LRP1B: variants seen among roughly 807,000 people sequenced by gnomAD.
LRP1B encodes the protein LDL receptor related protein 1B, also known as low-density lipoprotein receptor-related protein 1B.
LRP1B carries 217 observed loss-of-function variants against 556.6 expected under a neutral mutation model. The ratio of observed to expected loss-of-function variants is 0.39; its 90% CI spans 0.35 to 0.44. The LOEUF (loss-of-function observed/expected upper bound fraction) is 0.44. Among genes scored for constraint, LRP1B ranks in the 20% least tolerant of loss-of-function variants. The pLI is 1.00. For synonymous variants in LRP1B, 2,047 were observed against 1,865.8 expected (o/e 1.10, Z -2.50); for missense variants, 5,053 against 5,620.8 (o/e 0.90, Z 3.23).
Position 140,553,422 on chromosome 2 carries a change from A to AACACACACACAC in LRP1B, c.7195-11463_7195-11452dup, listed in dbSNP as rs61540618. 2.4e-4 allele frequency among the ~76,000 whole-genome samples: 36 copies of AACACACACACAC among 148,300 alleles called. No individual in the cohort carries two copies. The East Asian group carries it at 3.0e-3, about 12-fold the overall frequency. On this transcript the variant is annotated intron_variant, in intron 43 of 90. Transcript: ENST00000389484. ...CCTTTATTGTGTCTATTGTGCTCTTAACACACACACACACACACACACACA... is the reference window on the plus strand; with the variant it reads ...CCTTTATTGTGTCTATTGTGCTCTTAACACACACACACACACACACACACACACACACACACA...
intron 31 of LRP1B, among the ~76,000 whole-genome samples, chr2:140,835,462 C>T (rs143138962): frequency 1.9e-3 from 296 of 152,248 alleles, no homozygotes; most frequent in Non-Finnish European, 3.5e-3. Context: ...CATAACCTGC[C>T]GCCAGGCTCC....
intron 3 of LRP1B, among the ~76,000 whole-genome samples, chr2:141,254,887 A>G (rs1009891698): frequency 1.1e-4 from 16 of 152,052 alleles, no homozygotes; most frequent in Non-Finnish European, 2.2e-4. Flanking sequence ...CATAGTCACA[A>G]AACCTTTCAA....
chr2:141,981,727 A>G (rs1257710876), intron 1 of LRP1B, among the ~76,000 whole-genome samples: 1 of 152,148 alleles, frequency 6.6e-6, no homozygotes, highest in Non-Finnish European at 1.5e-5. Flanking sequence ...TTCTTGGCCA[A>G]AATCTGGATT....
chr2:140,560,541 C>A (rs1282550119), intron 43 of LRP1B, among the ~76,000 whole-genome samples: 1 of 151,996 alleles, frequency 6.6e-6, no homozygotes, highest in African/African-American at 2.4e-5. Context: ...AATTTCATAA[C>A]AATAAACATG....
At chr2:141,014,623 CCTT>C (rs1224690647) in intron 13 of LRP1B, among the ~76,000 whole-genome samples, 1 of 151,942 alleles carries the variant, frequency 6.6e-6, no homozygotes, top group Non-Finnish European at 1.5e-5. Flanking sequence ...AAATTTTGCT[CCTT>C]TTAACTGAAT....
chr2:141,050,252 T>C lies in LRP1B; in HGVS notation c.1553-1030A>G, dbSNP rs530083454. On this transcript the variant is annotated intron_variant, in intron 10 of 90. Coordinates refer to ENST00000389484, the MANE Select transcript of LRP1B (RefSeq NM_018557.3). ...TATAAACCTAACAATACAAAGTATA[T>C]TAACATTTATATTTCTTTTCTTGTG... is the stretch of plus-strand genomic sequence containing the variant. Among the ~76,000 whole-genome samples the C allele has an allele frequency of 7.2e-5, 11 of 151,990 alleles. No individual in the cohort carries two copies. In the South Asian group the frequency reaches 2.1e-3, roughly 29 times the overall value.
intron 4 of LRP1B, among the ~76,000 whole-genome samples, chr2:141,249,653 C>A (rs546986289): frequency 3.3e-5 from 5 of 151,668 alleles, no homozygotes; most frequent in Non-Finnish European, 7.4e-5. Flanking sequence ...GTCCTACAGT[C>A]GCCTGTGAAG....
intron 9 of LRP1B, among the ~76,000 whole-genome samples, chr2:141,055,949 A>T (rs946637476): frequency 6.6e-6 from 1 of 151,592 alleles, no homozygotes; most frequent in Non-Finnish European, 1.5e-5. Context: ...CTATATGGAG[A>T]GGATGAGAAA....
chr2:141,612,084 GAC>G (rs1338108764), intron 2 of LRP1B, among the ~76,000 whole-genome samples: 1 of 152,184 alleles, frequency 6.6e-6, no homozygotes. Context: ...GGATTTTCAA[GAC>G]ACAAACAACA....
At chr2:141,424,087 T>A (rs1368265718) in intron 3 of LRP1B, among the ~76,000 whole-genome samples, 2 of 150,782 alleles carry the variant, frequency 1.3e-5, no homozygotes, top group Non-Finnish European at 1.5e-5. Context: ...TATAGTTTTA[T>A]GGAGTTAACT....
intron 20 of LRP1B, 91 bp downstream of exon 20, chr2:140,950,144 C>T (rs79598814): frequency 1.3e-6 from 1 of 753,178 alleles, no homozygotes; most frequent in Non-Finnish European, 1.8e-6. Flanking sequence ...TAAGCAATTT[C>T]TTTTTATACA....
intron 31 of LRP1B, among the ~76,000 whole-genome samples, chr2:140,820,888 C>T (rs1006983034): frequency 6.7e-6 from 1 of 148,480 alleles, no homozygotes. Flanking sequence ...CTAAGGAAAG[C>T]CCCTCCTCTT....
intron 3 of LRP1B, among the ~76,000 whole-genome samples, chr2:141,289,102 G>A (rs749285690): frequency 1.1e-4 from 16 of 148,820 alleles, no homozygotes; most frequent in African/African-American, 3.5e-4. Context: ...ATGCAAATGC[G>A]GCCGGGCGCG....
chr2:141,796,346 G>A (rs960673277), intron 2 of LRP1B, among the ~76,000 whole-genome samples: 1 of 151,802 alleles, frequency 6.6e-6, no homozygotes, highest in Non-Finnish European at 1.5e-5. Flanking sequence ...TAAACTATTT[G>A]CACACACATA....
Position 140,537,838 on chromosome 2 carries a change from C to A in LRP1B, c.7514-1129G>T, listed in dbSNP as rs1046822460. ...CATCCTTATAATGGCAATATGTGATCCCTATTTTGAAGGGTCTCTATTGAG... is the reference window on the plus strand; with the variant it reads ...CATCCTTATAATGGCAATATGTGATACCTATTTTGAAGGGTCTCTATTGAG... On this transcript the variant is annotated intron_variant, in intron 45 of 90. Coordinates refer to ENST00000389484, the MANE Select transcript of LRP1B (RefSeq NM_018557.3). 2.6e-5 allele frequency among the ~76,000 whole-genome samples: 4 copies of A among 152,152 alleles called. No individual in the cohort carries two copies. In the East Asian group the frequency reaches 7.7e-4, roughly 29 times the overall value.
intron 1 of LRP1B, among the ~76,000 whole-genome samples, chr2:141,931,226 C>G (rs1700495354): frequency 1.3e-5 from 2 of 151,970 alleles, no homozygotes. Context: ...GAGCACACTG[C>G]AGAGCTAGGC....
At chr2:140,434,129 G>A (rs1205979646) in intron 66 of LRP1B, among the ~76,000 whole-genome samples, 2 of 151,904 alleles carry the variant, frequency 1.3e-5, no homozygotes, top group Non-Finnish European at 2.9e-5. Flanking sequence ...GAGTGTAGTG[G>A]TGCGATCTCT....
Position 140,232,179 on chromosome 2 carries a change from A to G in LRP1B, c.*1007T>C, listed in dbSNP as rs1016439892. 7.1e-6 allele frequency: 1 copy of G among 141,350 alleles called. No homozygotes were observed. Among genetic ancestry groups the G allele is most frequent in the Non-Finnish European group, 1.6e-5 (1 of 63,708 alleles). 8.8% of individuals were successfully genotyped at this position (141,350 alleles called of 1,614,324 possible). ...TGAAAATATTTGCCAATCACTCTGT[A>G]TACTAAAATGTCTGCTTTGCCCTTT... On this transcript the variant is annotated 3_prime_UTR_variant, in exon 91 of 91. Coordinates refer to ENST00000389484, the MANE Select transcript of LRP1B (RefSeq NM_018557.3).
At position 141,254,589 on chromosome 2, in the gene LRP1B, G is replaced by T; in HGVS notation, c.396C>A (p.Val132=). 6.2e-7 allele frequency: 1 copy of T among 1,610,806 alleles called. No homozygotes were observed. The highest frequency in any genetic ancestry group is 1.1e-5 in the South Asian group (1 of 90,980). The change falls in exon 4 of 91, where the codon GTC becomes GTA. Residue 132 remains valine (V), a synonymous_variant. Transcript: ENST00000389484. The part of the protein sequence containing the change: ...QLNCQYKCTM[V]RNSTRCYCED... ...CACAGTAACATCTTGTACTATTTCT[G>T]ACCATTGTACATTTATACTGACAAT... is the stretch of plus-strand genomic sequence containing the variant.
Sources: gnomAD v4.1 joint callset for allele counts (sites outside exome capture counted in the v4.1 genomes callset) on GRCh38, gnomAD v4.1.1 for gene constraint, MANE v1.5 for transcripts, NCBI Gene and HGNC (gene_info 2026-07-23, HGNC 2026-07-21) for gene names.